The following HERC4 variants were observed in gnomAD, a reference collection of about 807,000 sequenced individuals.
HERC4 encodes HECT and RLD domain containing E3 ubiquitin protein ligase 4, also known as probable E3 ubiquitin-protein ligase HERC4.
In HERC4, 28 loss-of-function variants were observed where a neutral mutation model predicts 124.3. The ratio of observed to expected loss-of-function variants is 0.23; its 90% confidence interval spans 0.17 to 0.31. The LOEUF (loss-of-function observed/expected upper bound fraction) is 0.31. Among genes scored for constraint, HERC4 ranks in the 10% least tolerant of loss-of-function variants. The pLI, the probability that HERC4 is intolerant of heterozygous loss-of-function variation, is 1.00. For missense variants in HERC4, 713 were observed against 1,229.3 expected, an observed-to-expected ratio of 0.58 and a Z score of 6.28; for synonymous variants, 407 against 421.5, an observed-to-expected ratio of 0.97 and a Z score of 0.42.
chr10:67,962,457 A>G (rs2034587960), intron 16 of HERC4, among the ~76,000 whole-genome samples: 1 of 152,222 alleles, frequency 6.6e-6, no homozygotes, highest in Non-Finnish European at 1.5e-5. Context: ...CGACTAACCC[A>G]TACTAAGCAG....
chr10:67,945,396 G>A (rs2033246734), intron 19 of HERC4, among the ~76,000 whole-genome samples: 1 of 152,084 alleles, frequency 6.6e-6, no homozygotes, highest in South Asian at 2.1e-4. Flanking sequence ...GATCTTCCCA[G>A]AAAAATAAAA....
At chr10:67,975,017 C>T (rs186187430) in intron 15 of HERC4, among the ~76,000 whole-genome samples, 15 of 152,122 alleles carry the variant, frequency 9.9e-5, no homozygotes, top group African/African-American at 1.9e-4. Flanking sequence ...GGTGAAACCC[C>T]GTCTCTACTA....
At chr10:68,042,202 T>C (rs2039804175) in intron 4 of HERC4, among the ~76,000 whole-genome samples, 1 of 152,080 alleles carries the variant, frequency 6.6e-6, no homozygotes, top group African/African-American at 2.4e-5. Context: ...AAAGACAGGG[T>C]TTCACCTTCT....
intron 8 of HERC4, among the ~76,000 whole-genome samples, chr10:68,019,810 TTGTC>T (rs983053545): frequency 6.6e-5 from 10 of 152,160 alleles, no homozygotes; most frequent in African/African-American, 1.2e-4. Flanking sequence ...AATAACGACT[TTGTC>T]TGTTTTAGGA....
chr10:68,010,618 A>G (rs993715892), intron 9 of HERC4: 17 of 1,386,562 alleles, frequency 1.2e-5, no homozygotes, highest in African/African-American at 2.8e-5. Flanking sequence ...TCGGCTTTGC[A>G]TATCTCCTGA....
chr10:67,932,332 C>T (rs892341645), intron 23 of HERC4, among the ~76,000 whole-genome samples: 2 of 152,242 alleles, frequency 1.3e-5, no homozygotes, highest in African/African-American at 2.4e-5. Context: ...GTGATCCTCC[C>T]GCCTAAGCAC....
At chr10:68,039,479 CG>C in intron 4 of HERC4, 1 of 1,550,718 alleles carries the variant, frequency 6.4e-7, no homozygotes, top group African/African-American at 1.4e-5. Context: ...ACATGATTTT[CG>C]GGAAGCAGCT....
chr10:67,951,028 G>A (rs990169374), intron 19 of HERC4, among the ~76,000 whole-genome samples: 1 of 152,172 alleles, frequency 6.6e-6, no homozygotes, highest in African/African-American at 2.4e-5. Context: ...ATGGGGATAT[G>A]TCAGAAGTAC....
Position 68,025,694 on chromosome 10 carries a change from C to T in HERC4, c.778-18G>A. On this transcript the variant is annotated intron_variant, in intron 7 of 24. Transcript: ENST00000373700. ...CCACCTTCCTAAAAAAAGACAAAAC[C>T]CCTTATCATTAGAAGGCATGATAAA... 1 of 1,598,144 alleles carries T rather than the reference C, an allele frequency of 6.3e-7. No individual in the cohort carries two copies. Among genetic ancestry groups the T allele is most frequent in the Non-Finnish European group, 8.5e-7 (1 of 1,172,910 alleles).
intron 23 of HERC4, among the ~76,000 whole-genome samples, chr10:67,927,418 A>T (rs1564911098): frequency 9.2e-4 from 8 of 8,728 alleles, no homozygotes; most frequent in African/African-American, 1.8e-3. Context: ...ATATATATAT[A>T]TATATATATA....
intron 15 of HERC4, among the ~76,000 whole-genome samples, chr10:67,980,120 C>CT (rs1453939444): frequency 6.6e-6 from 1 of 151,108 alleles, no homozygotes; most frequent in Admixed American, 6.6e-5. Context: ...AAGATAAATA[C>CT]TTTTTTTTGA....
At chr10:67,999,226 C>T (rs888482251) in intron 9 of HERC4, among the ~76,000 whole-genome samples, 1 of 152,140 alleles carries the variant, frequency 6.6e-6, no homozygotes, top group African/African-American at 2.4e-5. Context: ...ATAAGAGTCA[C>T]TGAGTTCCTT....
chr10:68,017,457 A>T (rs1371985025), intron 8 of HERC4, among the ~76,000 whole-genome samples: 1 of 152,162 alleles, frequency 6.6e-6, no homozygotes, highest in Non-Finnish European at 1.5e-5. Context: ...ACCAATACAG[A>T]CATTATAAAT....
chr10:68,025,177 A>G (rs73263271), intron 8 of HERC4, among the ~76,000 whole-genome samples: 12,020 of 152,088 alleles, frequency 0.079, 1,256 homozygotes, highest in African/African-American at 0.24. Flanking sequence ...GCAATAAGCC[A>G]TAATTGTGGT....
intron 23 of HERC4, among the ~76,000 whole-genome samples, chr10:67,931,707 G>A (rs538513333): frequency 2.0e-5 from 3 of 152,146 alleles, no homozygotes; most frequent in African/African-American, 7.2e-5. Context: ...TTACAGGCAT[G>A]AGCCATCGCG....
intron 19 of HERC4, among the ~76,000 whole-genome samples, chr10:67,942,268 T>C (rs1260052868): frequency 2.0e-5 from 3 of 152,216 alleles, no homozygotes; most frequent in South Asian, 4.1e-4. Context: ...GAGGATTACA[T>C]GGGATAATAT....
intron 7 of HERC4, among the ~76,000 whole-genome samples, chr10:68,026,830 G>A (rs2038926218): frequency 6.6e-6 from 1 of 151,064 alleles, no homozygotes; most frequent in Admixed American, 6.6e-5. Flanking sequence ...GCGACAGAAA[G>A]ACTCCGTCTC....
chr10:67,925,190 A>G lies in HERC4; in HGVS notation c.2839-3T>C. On this transcript the variant is annotated splice_region_variant and splice_polypyrimidine_tract_variant and intron_variant, in intron 23 of 24. Coordinates refer to ENST00000373700, the MANE Select transcript of HERC4 (RefSeq NM_015601.4). The stretch of plus-strand genomic sequence containing the variant: ...TATTCCCCTTTGTATTCTGTATTCT[A>G]AAAACAACATAATCTTTTATTAGTA... 1 of 1,497,348 alleles carries G rather than the reference A, an allele frequency of 6.7e-7. No individual in the cohort carries two copies. The highest frequency in any genetic ancestry group is 1.7e-4 in the Middle Eastern group (1 of 5,856). 92.8% of individuals were successfully genotyped at this position (1,497,348 alleles called of 1,614,324 possible). A position where few individuals can be genotyped will look rare whatever the true frequency, so the allele number is the denominator to read the frequency against.
At chr10:67,932,236 T>A (rs986813972) in intron 23 of HERC4, among the ~76,000 whole-genome samples, 1 of 152,108 alleles carries the variant, frequency 6.6e-6, no homozygotes, top group African/African-American at 2.4e-5. Context: ...GGGTTACAGG[T>A]GTAAGCCACC....
Sources: gnomAD v4.1 joint callset for allele counts (sites outside exome capture counted in the v4.1 genomes callset) on GRCh38, gnomAD v4.1.1 for gene constraint, MANE v1.5 for transcripts, NCBI Gene and HGNC (gene_info 2026-07-23, HGNC 2026-07-21) for gene names.